Variants in FRMD4A observed in about 807,000 individuals in gnomAD.
FRMD4A encodes the protein FERM domain containing 4A.
Under a neutral mutation model 129.1 loss-of-function variants are expected in FRMD4A, and 29 were observed. The observed-to-expected ratio is 0.22, with a 90% CI of 0.17 to 0.31. FRMD4A has a LOEUF of 0.31. FRMD4A is among the 10% of genes least tolerant of loss of function. The pLI is 1.00. For missense variants in FRMD4A, 1,272 were observed against 1,375.8 expected (o/e 0.92, Z 1.19); for synonymous variants, 634 against 571.6 (o/e 1.11, Z -1.56).
At chr10:13,976,418 C>A (rs2095542278) in intron 2 of FRMD4A, among the ~76,000 whole-genome samples, 1 of 152,138 alleles carries the variant, frequency 6.6e-6, no homozygotes, top group Non-Finnish European at 1.5e-5. Flanking sequence ...CAGGTACGGA[C>A]TCCCAGCCCC....
chr10:13,720,020 C>T (rs1234034631), intron 12 of FRMD4A, among the ~76,000 whole-genome samples: 2 of 152,194 alleles, frequency 1.3e-5, no homozygotes, highest in Non-Finnish European at 2.9e-5. Context: ...TTGCTCTCTA[C>T]GTGGAGCTCT....
chr10:13,928,036 T>C (rs528452360), intron 2 of FRMD4A, among the ~76,000 whole-genome samples: 3,587 of 77,772 alleles, frequency 0.046, 55 homozygotes, highest in Non-Finnish European at 0.069. Context: ...TTTTTTTTTT[T>C]CTGAGACAGG....
chr10:13,741,623 C>G lies in FRMD4A; in HGVS notation c.549-1046G>C, dbSNP rs189670508. ...CCTCATCTTCCCAGTCCTGTTCACA[C>G]AGGGCCTCATGGGGGAATGGCAGGC... is the stretch of plus-strand genomic sequence containing the variant. On this transcript the variant is annotated intron_variant, in intron 9 of 24. Coordinates refer to ENST00000357447, the MANE Select transcript of FRMD4A (RefSeq NM_018027.5). 1.7e-3 allele frequency among the ~76,000 whole-genome samples: 255 copies of G among 152,310 alleles called. 1 individual carries two copies. Among genetic ancestry groups the G allele is most frequent in the African/African-American group, 6.0e-3 (248 of 41,566 alleles).
At chr10:13,767,009 G>T (rs2092308244) in intron 6 of FRMD4A, among the ~76,000 whole-genome samples, 3 of 152,096 alleles carry the variant, frequency 2.0e-5, no homozygotes. Context: ...GGAGATGGAG[G>T]TTGCAGTGAG....
chr10:13,678,682 A>G (rs568137573), intron 15 of FRMD4A, among the ~76,000 whole-genome samples: 1 of 152,388 alleles, frequency 6.6e-6, no homozygotes, highest in East Asian at 1.9e-4. Context: ...TCAATGAAGT[A>G]TCGGTCAAAG....
intron 4 of FRMD4A, among the ~76,000 whole-genome samples, chr10:13,810,403 G>T (rs2093425288): frequency 6.6e-6 from 1 of 151,808 alleles, no homozygotes; most frequent in South Asian, 2.1e-4. Flanking sequence ...AACTGCACAG[G>T]TTATTTTCAT....
At chr10:14,007,316 T>C (rs926037381) in intron 2 of FRMD4A, 1 of 152,336 alleles carries the variant, frequency 6.6e-6, no homozygotes, top group African/African-American at 2.4e-5. Flanking sequence ...TTTGTGGGTG[T>C]AGGGATTCTC....
At chr10:13,734,993 C>G (rs1300737192) in intron 12 of FRMD4A, among the ~76,000 whole-genome samples, 1 of 152,156 alleles carries the variant, frequency 6.6e-6, no homozygotes, top group East Asian at 1.9e-4. Flanking sequence ...CCTGCCTCAG[C>G]TTCCCCAGTA....
chr10:13,673,768 GCTTT>G (rs1564576637), intron 16 of FRMD4A, among the ~76,000 whole-genome samples: 2 of 133,370 alleles, frequency 1.5e-5, no homozygotes, highest in African/African-American at 6.1e-5. Flanking sequence ...AGAAAGCATT[GCTTT>G]TTTTTTTTTT....
chr10:14,330,087 C>T lies in FRMD4A; in HGVS notation c.16G>A (p.Val6Met). 2 of 1,553,456 alleles carry T rather than the reference C, an allele frequency of 1.3e-6. No individual in the cohort carries two copies. Among genetic ancestry groups the T allele is most frequent in the South Asian group, 1.2e-5 (1 of 84,146 alleles). Residue 6 changes from valine (V) to methionine (M), a missense_variant, in exon 2 of 25, where the codon GTG becomes ATG. Physicochemically the swap from Val to Met is conservative, Grantham distance 21. Around this residue, in one of 2 missense-constraint regions of FRMD4A, gnomAD observed 300 missense variants for 483.6 expected, o/e 0.62. Coordinates refer to ENST00000357447, the MANE Select transcript of FRMD4A (RefSeq NM_018027.5). ...AGCAGGCCGAGAGCTGAGTCGGGCA[C>T]CAGCTGCACTGCCATGGTCTCCGAT... MAVQL[V>M]PDSALGLLMM...
At chr10:14,308,836 T>C (rs530129925) in intron 2 of FRMD4A, among the ~76,000 whole-genome samples, 1 of 152,298 alleles carries the variant, frequency 6.6e-6, no homozygotes, top group African/African-American at 2.4e-5. Flanking sequence ...ACTGGTCAAA[T>C]TGTTTTCACA....
At chr10:14,208,707 T>A (rs1842854321) in intron 2 of FRMD4A, among the ~76,000 whole-genome samples, 1 of 152,052 alleles carries the variant, frequency 6.6e-6, no homozygotes, top group Non-Finnish European at 1.5e-5. Context: ...GCTTTCCCTT[T>A]ACAAGGAAGG....
chr10:14,288,328 G>T (rs1194986016), intron 2 of FRMD4A, among the ~76,000 whole-genome samples: 3 of 152,168 alleles, frequency 2.0e-5, no homozygotes, highest in African/African-American at 7.2e-5. Context: ...TGGAGCTGGA[G>T]GTGGTGGGGG....
chr10:14,279,835 C>T (rs1283895661), intron 2 of FRMD4A, among the ~76,000 whole-genome samples: 2 of 152,208 alleles, frequency 1.3e-5, no homozygotes, highest in African/African-American at 4.8e-5. Flanking sequence ...GTTACTTATT[C>T]AAAATGACAA....
chr10:13,938,307 T>C (rs1386301156), intron 2 of FRMD4A, among the ~76,000 whole-genome samples: 1 of 152,170 alleles, frequency 6.6e-6, no homozygotes. Context: ...AGTGGCATGA[T>C]CTCGGCTCAC....
chr10:14,058,455 G>C (rs1267745347), intron 2 of FRMD4A, among the ~76,000 whole-genome samples: 1 of 152,210 alleles, frequency 6.6e-6, no homozygotes, highest in Admixed American at 6.5e-5. Context: ...GAGTCTGGGA[G>C]AGAAGAAATG....
At chr10:14,295,646 G>C (rs891381813) in intron 2 of FRMD4A, among the ~76,000 whole-genome samples, 2 of 152,140 alleles carry the variant, frequency 1.3e-5, no homozygotes, top group African/African-American at 2.4e-5. Flanking sequence ...AGATGAGGAG[G>C]GGATGGCGCT....
intron 15 of FRMD4A, among the ~76,000 whole-genome samples, chr10:13,689,549 CTTT>C (rs34800095): frequency 3.1e-5 from 4 of 128,620 alleles, no homozygotes; most frequent in African/African-American, 3.0e-5. Flanking sequence ...TTAGAAGATT[CTTT>C]TTTTTTTTTT....
chr10:14,037,389 T>C (rs1277971542), intron 2 of FRMD4A, among the ~76,000 whole-genome samples: 1 of 152,188 alleles, frequency 6.6e-6, no homozygotes, highest in Non-Finnish European at 1.5e-5. Context: ...ACCTAATTTT[T>C]GTATTTTTAG....
Sources: allele counts gnomAD v4.1 joint callset (sites outside exome capture counted in the v4.1 genomes callset), GRCh38; gene constraint gnomAD v4.1.1; regional missense constraint gnomAD v4.1.1; transcripts MANE v1.5; gene names NCBI Gene and HGNC (gene_info 2026-07-23, HGNC 2026-07-21).